Variants in SYT1 observed in about 807,000 individuals in gnomAD.
SYT1 encodes synaptotagmin 1.
A neutral mutation model predicts 44.8 loss-of-function variants in SYT1; 8 were observed. That is an observed-to-expected ratio of 0.18 (90% CI 0.10 to 0.32). The LOEUF (loss-of-function observed/expected upper bound fraction) is 0.32, where lower values mean the gene tolerates loss of function less well. Among genes scored for constraint, SYT1 ranks in the 10% least tolerant of loss-of-function variants. The pLI is 1.00. For missense variants in SYT1, 286 were observed against 509.3 expected (o/e 0.56, Z 4.22); for synonymous variants, 154 against 188.8 (o/e 0.82, Z 1.51).
At chr12:79,023,748 G>T (rs1872339292) in intron 2 of SYT1, among the ~76,000 whole-genome samples, 3 of 151,556 alleles carry the variant, frequency 2.0e-5, no homozygotes, top group Admixed American at 6.6e-5. Context: ...TTCATCAATT[G>T]TTTCTGTTAT....
chr12:78,911,269 T>C (rs1876309810), intron 1 of SYT1, among the ~76,000 whole-genome samples: 1 of 151,946 alleles, frequency 6.6e-6, no homozygotes. Context: ...ATTTTGGACA[T>C]GAATATGTGT....
intron 9 of SYT1, among the ~76,000 whole-genome samples, chr12:79,380,593 G>C (rs1490786520): frequency 6.6e-6 from 1 of 152,002 alleles, no homozygotes; most frequent in East Asian, 1.9e-4. Flanking sequence ...TCACTATATT[G>C]CCCAGGCTGG....
At chr12:79,060,450 C>G (rs1251809376) in intron 3 of SYT1, among the ~76,000 whole-genome samples, 1 of 151,998 alleles carries the variant, frequency 6.6e-6, no homozygotes, top group Non-Finnish European at 1.5e-5. Flanking sequence ...CAAAGTGAAA[C>G]TCCGTACATA....
At position 78,881,987 on chromosome 12, in the gene SYT1, T is replaced by G. The variant is rs886859194; in HGVS notation, c.-217+16878T>G. ...TTCCCATAGCACCCTGTATTTTTTTTATAACATTTGCACAATTTGCAATTA... is the reference window on the plus strand; with the variant it reads ...TTCCCATAGCACCCTGTATTTTTTTGATAACATTTGCACAATTTGCAATTA... On this transcript the variant is annotated intron_variant, in intron 1 of 10. Coordinates refer to ENST00000261205, the MANE Select transcript of SYT1 (RefSeq NM_005639.3). Among the ~76,000 whole-genome samples the G allele has an allele frequency of 2.0e-5, 3 of 148,492 alleles. No homozygotes were observed. The Admixed American group carries it at 2.0e-4, about 10-fold the overall frequency.
intron 2 of SYT1, among the ~76,000 whole-genome samples, chr12:79,006,268 T>C (rs768055025): frequency 5.9e-5 from 9 of 152,264 alleles, no homozygotes; most frequent in African/African-American, 1.9e-4. Context: ...GGAATTAAAG[T>C]ATTAGATTCG....
chr12:78,928,642 C>G (rs1199209661), intron 1 of SYT1, among the ~76,000 whole-genome samples: 1 of 152,042 alleles, frequency 6.6e-6, no homozygotes, highest in African/African-American at 2.4e-5. Context: ...CACAGACAGT[C>G]AATCCATCAC....
At chr12:79,174,327 G>T (rs1322929149) in intron 3 of SYT1, among the ~76,000 whole-genome samples, 1 of 151,994 alleles carries the variant, frequency 6.6e-6, no homozygotes, top group Admixed American at 6.6e-5. Flanking sequence ...GAAAAAATAA[G>T]TGGCTTCAGA....
intron 9 of SYT1, among the ~76,000 whole-genome samples, chr12:79,413,563 G>A (rs1868557661): frequency 6.6e-6 from 1 of 152,174 alleles, no homozygotes; most frequent in African/African-American, 2.4e-5. Context: ...ATAGCTGTTT[G>A]TAGCATTTCC....
intron 9 of SYT1, among the ~76,000 whole-genome samples, chr12:79,375,407 A>T (rs1195366710): frequency 1.3e-5 from 2 of 152,158 alleles, no homozygotes; most frequent in Non-Finnish European, 2.9e-5. Flanking sequence ...CTAAGAAATG[A>T]AGTTAGAGAG....
intron 9 of SYT1, among the ~76,000 whole-genome samples, chr12:79,366,043 C>T (rs970348874): frequency 1.3e-5 from 2 of 152,146 alleles, no homozygotes; most frequent in African/African-American, 4.8e-5. Context: ...AATTTCTAGA[C>T]TTTATAAAAA....
At chr12:79,010,778 A>G (rs1351451970) in intron 2 of SYT1, among the ~76,000 whole-genome samples, 4 of 152,086 alleles carry the variant, frequency 2.6e-5, no homozygotes, top group Non-Finnish European at 5.9e-5. Context: ...CATCCTAATC[A>G]TTTCACCTTT....
chr12:79,340,581 G>C (rs989558340), intron 8 of SYT1, among the ~76,000 whole-genome samples: 1 of 152,158 alleles, frequency 6.6e-6, no homozygotes, highest in East Asian at 1.9e-4. Context: ...AGACAATGGG[G>C]TTTTCTAAAT....
intron 1 of SYT1, among the ~76,000 whole-genome samples, chr12:78,891,716 C>A (rs182235278): frequency 4.1e-4 from 62 of 151,904 alleles, no homozygotes; most frequent in African/African-American, 1.5e-3. Context: ...TCTTGAGAAA[C>A]CTGTGGCAAT....
chr12:79,156,982 T>G (rs973221738), intron 3 of SYT1, among the ~76,000 whole-genome samples: 27 of 152,054 alleles, frequency 1.8e-4, no homozygotes, highest in African/African-American at 6.3e-4. Flanking sequence ...TAGAATTGGC[T>G]TAGGCAAGAG....
chr12:78,912,745 T>C (rs936912168), intron 1 of SYT1, among the ~76,000 whole-genome samples: 8 of 151,878 alleles, frequency 5.3e-5, no homozygotes, highest in Admixed American at 3.9e-4. Context: ...GCATCATGTG[T>C]TGGTAGGACA....
At chr12:79,113,969 A>G (rs1879147866) in intron 3 of SYT1, among the ~76,000 whole-genome samples, 2 of 152,120 alleles carry the variant, frequency 1.3e-5, no homozygotes, top group African/African-American at 2.4e-5. Context: ...AAGGCTTTCT[A>G]TGTTCTGACT....
At chr12:79,083,855 C>T (rs112579090) in intron 3 of SYT1, among the ~76,000 whole-genome samples, 1 of 152,174 alleles carries the variant, frequency 6.6e-6, no homozygotes, top group African/African-American at 2.4e-5. Context: ...GCAAAGATGT[C>T]AACACGAACA....
At chr12:79,446,817 A>G (rs561187292) in intron 10 of SYT1, among the ~76,000 whole-genome samples, 11 of 152,000 alleles carry the variant, frequency 7.2e-5, no homozygotes, top group Admixed American at 5.9e-4. Context: ...ATTTTTTCCA[A>G]CGATTTATTT....
intron 4 of SYT1, among the ~76,000 whole-genome samples, chr12:79,223,042 C>T (rs1361502817): frequency 6.6e-6 from 1 of 151,940 alleles, no homozygotes; most frequent in Non-Finnish European, 1.5e-5. Context: ...ATTTTGTTTT[C>T]TTGAAGTTCA....
Sources: allele counts gnomAD v4.1 joint callset (sites outside exome capture counted in the v4.1 genomes callset), GRCh38; gene constraint gnomAD v4.1.1; transcripts MANE v1.5; gene names NCBI Gene and HGNC (gene_info 2026-07-23, HGNC 2026-07-21).